The following PIK3CD variants were observed in gnomAD, a reference collection of about 807,000 sequenced individuals.
PIK3CD encodes phosphatidylinositol 4,5-bisphosphate 3-kinase catalytic subunit delta isoform.
PIK3CD carries 20 observed loss-of-function variants against 122.9 expected under a neutral mutation model. That is an observed-to-expected ratio of 0.16 (90% CI 0.11 to 0.24). The LOEUF (loss-of-function observed/expected upper bound fraction) is 0.24. PIK3CD is among the 10% of genes least tolerant of loss of function. PIK3CD has a pLI of 1.00. For missense variants in PIK3CD, 787 were observed against 1,406.3 expected (o/e 0.56, Z 7.04); for synonymous variants, 596 against 593.4 (o/e 1.00, Z -0.06).
the PIK3CD span, among the ~76,000 whole-genome samples, chr1:9,634,004 G>C: frequency 6.6e-6 from 1 of 151,700 alleles, no homozygotes; most frequent in Admixed American, 6.6e-5. Flanking sequence ...ACAGGGCCTT[G>C]CTCTGTTGCC....
chr1:9,666,610 G>C (rs1363909142), intron 1 of PIK3CD, among the ~76,000 whole-genome samples: 19 of 151,992 alleles, frequency 1.3e-4, no homozygotes, highest in Admixed American at 1.2e-3. Context: ...AAATGCTTGA[G>C]GTCAGGTGTA....
In PIK3CD at chr1:9,652,922, G is replaced by C. The variant is rs1048677452; in HGVS notation, c.-138+1120G>C. On this transcript the variant is annotated intron_variant, in intron 1 of 23. Coordinates refer to ENST00000377346, the MANE Select transcript of PIK3CD (RefSeq NM_005026.5). This position sits in a 1 kb window ranked among gnomAD's most constrained non-coding sequence, Gnocchi z 6.2. The stretch of plus-strand genomic sequence containing the variant: ...CACCCTTGGGATCTGCCCAGTTTGC[G>C]GATGGAGCGCGGGGCTGATCGGGCA... 4 of 152,292 alleles carry C rather than the reference G, an allele frequency of 2.6e-5. No homozygotes were observed. The highest frequency in any genetic ancestry group is 4.8e-5 in the African/African-American group (2 of 41,442). 9.4% of individuals were successfully genotyped at this position (152,292 alleles called of 1,614,324 possible).
chr1:9,636,535 T>C, the PIK3CD span, among the ~76,000 whole-genome samples: 1 of 152,176 alleles, frequency 6.6e-6, no homozygotes, highest in East Asian at 1.9e-4. Context: ...TCAGTTCCCA[T>C]GATGCTGTGG....
chr1:9,676,712 T>C (rs921315290), intron 1 of PIK3CD, among the ~76,000 whole-genome samples: 1 of 152,196 alleles, frequency 6.6e-6, no homozygotes, highest in Admixed American at 6.5e-5. Context: ...CCCCGTCACC[T>C]CCTTGAGTCC....
rs1440121778 is a variant in PIK3CD, at chr1:9,722,675, G to C, written c.2426+69G>C. The C allele has an allele frequency of 5.3e-6, 7 of 1,323,006 alleles. No individual in the cohort carries two copies. Among genetic ancestry groups the C allele is most frequent in the Non-Finnish European group, 7.6e-6 (7 of 918,376 alleles). 82.0% of individuals were successfully genotyped at this position (1,323,006 alleles called of 1,614,324 possible). A position where few individuals can be genotyped will look rare whatever the true frequency, so the allele number is the denominator to read the frequency against. On this transcript the variant is annotated intron_variant, in intron 19 of 23. Coordinates refer to ENST00000377346, the MANE Select transcript of PIK3CD (RefSeq NM_005026.5). This position sits in a 1 kb window ranked among gnomAD's most constrained non-coding sequence, Gnocchi z 7.6. ...GCCTGGGAGTCTGTGCCCCTGGAGG[G>C]GTCCTTGTTGAAGGTGGCATGACCA...
intron 2 of PIK3CD, among the ~76,000 whole-genome samples, chr1:9,706,804 C>CT (rs974278666): frequency 2.8e-4 from 40 of 142,644 alleles, no homozygotes; most frequent in South Asian, 6.9e-4. Flanking sequence ...TTTTTGATTT[C>CT]TTTTTTTTTT....
At position 9,718,982 on chromosome 1, in the gene PIK3CD, A is replaced by G; in HGVS notation, c.1242+67A>G. On this transcript the variant is annotated intron_variant, in intron 9 of 23. Coordinates refer to ENST00000377346, the MANE Select transcript of PIK3CD (RefSeq NM_005026.5). This position sits in a 1 kb window ranked among gnomAD's most constrained non-coding sequence, Gnocchi z 7.2. Reference sequence around the variant, plus strand: ...AGCCAGTACAGCCCCTTGCTGGGCCACTCACCACTCTCCTCCCGGCAAGCA... The same window carrying G: ...AGCCAGTACAGCCCCTTGCTGGGCCGCTCACCACTCTCCTCCCGGCAAGCA... 1 of 1,433,340 alleles carries G rather than the reference A, an allele frequency of 7.0e-7. No homozygotes were observed. Among genetic ancestry groups the G allele is most frequent in the Non-Finnish European group, 9.7e-7 (1 of 1,031,648 alleles). 88.8% of individuals were successfully genotyped at this position (1,433,340 alleles called of 1,614,324 possible). A position where few individuals can be genotyped will look rare whatever the true frequency, so the allele number is the denominator to read the frequency against.
In PIK3CD at chr1:9,710,300, A is replaced by T. The variant is rs1481218557; in HGVS notation, c.-32-124A>T. On this transcript the variant is annotated intron_variant, in intron 2 of 23. Coordinates refer to ENST00000377346, the MANE Select transcript of PIK3CD (RefSeq NM_005026.5). This position sits in a 1 kb window ranked among gnomAD's most constrained non-coding sequence, Gnocchi z 4.7. ...AGGGAGGTGAGCTTTTTGTACCCGC[A>T]GGTCGGGAACTCACTCCTGAGCTTC... 2 of 805,090 alleles carry T rather than the reference A, an allele frequency of 2.5e-6. No individual in the cohort carries two copies. The highest frequency in any genetic ancestry group is 3.4e-5 in the African/African-American group (2 of 59,540). The allele number at this position is 805,090 out of a possible 1,614,324, so 49.9% of individuals were successfully genotyped here.
chr1:9,684,079 C>T (rs966795586), intron 1 of PIK3CD, among the ~76,000 whole-genome samples: 5 of 152,170 alleles, frequency 3.3e-5, no homozygotes, highest in Admixed American at 2.0e-4. Flanking sequence ...GGCATGGCTT[C>T]TCATGGCCTC....
At chr1:9,693,400 GTT>G (rs112075217) in intron 2 of PIK3CD, among the ~76,000 whole-genome samples, 18,053 of 146,518 alleles carry the variant, frequency 0.12, 1,195 homozygotes, top group South Asian at 0.19. Flanking sequence ...AATTTTTGTG[GTT>G]TTTTTTTTTC....
chr1:9,720,984 G>T lies in PIK3CD; in HGVS notation c.1689+75G>T. 3 of 1,446,338 alleles carry T rather than the reference G, an allele frequency of 2.1e-6. No homozygotes were observed. In the South Asian group the frequency reaches 3.6e-5, roughly 17 times the overall value. The allele number at this position is 1,446,338 out of a possible 1,614,324, so 89.6% of individuals were successfully genotyped here. On this transcript the variant is annotated intron_variant, in intron 13 of 23. Coordinates refer to ENST00000377346, the MANE Select transcript of PIK3CD (RefSeq NM_005026.5). This position sits in a 1 kb window ranked among gnomAD's most constrained non-coding sequence, Gnocchi z 9.0. ...TCTGGCTACCCACCACCCTGACCCCGGCCAACCCCCACCCTCACCCTGGCC... is the reference window on the plus strand; with the variant it reads ...TCTGGCTACCCACCACCCTGACCCCTGCCAACCCCCACCCTCACCCTGGCC...
At chr1:9,680,578 C>T in intron 1 of PIK3CD, 1 of 159,232 alleles carries the variant, frequency 6.3e-6, no homozygotes, top group South Asian at 1.8e-4. Context: ...TATGGATTTG[C>T]CTGTTCTGGA....
chr1:9,668,439 T>C lies in PIK3CD; in HGVS notation c.-138+16637T>C, dbSNP rs1027005650. ...GCTCTGTAAATATTAGCTGTTCTTA[T>C]TCTTTTTTTTTTTTTTGGTTTGGCA... On this transcript the variant is annotated intron_variant, in intron 1 of 23. Coordinates refer to ENST00000377346, the MANE Select transcript of PIK3CD (RefSeq NM_005026.5). Among the ~76,000 whole-genome samples, 5 of 151,510 alleles carry C rather than the reference T, an allele frequency of 3.3e-5. No individual in the cohort carries two copies. The Admixed American group carries it at 3.3e-4, about 10-fold the overall frequency.
At chr1:9,691,371 T>C (rs965289935) in intron 1 of PIK3CD, 96 bp from the exon 2 acceptor site, 59 of 392,786 alleles carry the variant, frequency 1.5e-4, no homozygotes, top group Non-Finnish European at 2.6e-4. Flanking sequence ...AAGCAGTTGA[T>C]TTTGAGCTAA....
chr1:9,692,222 G>T (rs983447289), intron 2 of PIK3CD, among the ~76,000 whole-genome samples: 2 of 152,132 alleles, frequency 1.3e-5, no homozygotes, highest in Admixed American at 1.3e-4. Context: ...GAGACCTGCC[G>T]GTCCCCTTGC....
At chr1:9,675,331 A>G (rs1205501990) in intron 1 of PIK3CD, among the ~76,000 whole-genome samples, 4 of 140,690 alleles carry the variant, frequency 2.8e-5, no homozygotes, top group Non-Finnish European at 6.0e-5. Flanking sequence ...GCTTGCAGTG[A>G]GCCGAGATTG....
intron 5 of PIK3CD, 128 bp from the exon 6 acceptor site, chr1:9,716,312 A>G: frequency 1.0e-6 from 1 of 957,264 alleles, no homozygotes; most frequent in South Asian, 1.4e-5. Flanking sequence ...TCTTTGAACA[A>G]ATATTTCCCA....
chr1:9,692,120 G>C (rs1481703445), intron 2 of PIK3CD, among the ~76,000 whole-genome samples: 1 of 152,140 alleles, frequency 6.6e-6, no homozygotes, highest in South Asian at 2.1e-4. Context: ...TGAGGACACT[G>C]AGGCCAGAGA....
At chr1:9,658,368 A>G (rs2100784216) in intron 1 of PIK3CD, among the ~76,000 whole-genome samples, 1 of 146,816 alleles carries the variant, frequency 6.8e-6, no homozygotes, top group African/African-American at 2.6e-5. Context: ...CCTGCGTGAC[A>G]GAGCGAGACC....
Sources: allele counts gnomAD v4.1 joint callset (sites outside exome capture counted in the v4.1 genomes callset), GRCh38; gene constraint gnomAD v4.1.1; non-coding constraint Gnocchi (gnomAD v3.1); transcripts MANE v1.5; gene names NCBI Gene and HGNC (gene_info 2026-07-23, HGNC 2026-07-21).